TRPM3: variants seen among roughly 807,000 people sequenced by gnomAD.
TRPM3 encodes the protein long transient receptor potential channel 3.
In TRPM3, 77 loss-of-function variants were observed where a neutral mutation model predicts 181.2. That is an observed-to-expected ratio of 0.42 (90% CI 0.35 to 0.51). The LOEUF is 0.51. Ranked by LOEUF, TRPM3 falls within the 20% of genes least tolerant of loss-of-function variation. The pLI is 0.01. For synonymous variants in TRPM3, 745 were observed against 796.4 expected (o/e 0.94, Z 1.09); for missense variants, 1,759 against 2,196.7 (o/e 0.80, Z 3.98).
At chr9:70,753,033 G>A (rs1016989776) in intron 8 of TRPM3, among the ~76,000 whole-genome samples, 1 of 152,058 alleles carries the variant, frequency 6.6e-6, no homozygotes, top group Admixed American at 6.5e-5. Context: ...CTTGAACTTG[G>A]GAGGTGGAGG....
chr9:70,665,084 C>T (rs11142536), intron 9 of TRPM3, among the ~76,000 whole-genome samples: 33,066 of 152,042 alleles, frequency 0.22, 4,270 homozygotes, highest in Non-Finnish European at 0.29. Flanking sequence ...TGGCTGACAG[C>T]GCCTCAGAAA....
chr9:71,034,935 C>T (rs371854011), intron 1 of TRPM3, among the ~76,000 whole-genome samples: 5 of 151,950 alleles, frequency 3.3e-5, no homozygotes, highest in South Asian at 2.1e-4. Context: ...CTACCTCACA[C>T]GTGCATTTAA....
chr9:71,121,255 C>T lies in TRPM3; in HGVS notation c.100G>A (p.Asp34Asn). 1 of 1,614,140 alleles carries T rather than the reference C, an allele frequency of 6.2e-7. No individual in the cohort carries two copies. The highest frequency in any genetic ancestry group is 1.3e-5 in the African/African-American group (1 of 75,034). ...GTCCAGTTTAGGGGTCGAGGAGCAT[C>T]AGCCTGATTCATGACCCCTTCCAAA... Reference protein sequence around the residue: ...WNLEGVMNQADAPRPLNWTIR... With the variant: ...WNLEGVMNQANAPRPLNWTIR... Residue 34 changes from aspartate (D) to asparagine (N), a missense_variant, in exon 1 of 26, where the codon GAT (aspartate) becomes AAT (asparagine). Physicochemically the swap from Asp to Asn is conservative, Grantham distance 23. Coordinates refer to ENST00000677713, the MANE Select transcript of TRPM3 (RefSeq NM_001366145.2).
At chr9:71,183,583 C>T (rs1362802705) in intron 1 of TRPM3, among the ~76,000 whole-genome samples, 1 of 152,056 alleles carries the variant, frequency 6.6e-6, no homozygotes, top group African/African-American at 2.4e-5. Flanking sequence ...CCAAGCTTTA[C>T]TTATTAATTT....
At chr9:70,830,894 C>T (rs987699175) in intron 5 of TRPM3, among the ~76,000 whole-genome samples, 1 of 152,042 alleles carries the variant, frequency 6.6e-6, no homozygotes, top group Non-Finnish European at 1.5e-5. Context: ...TCTATTTTAC[C>T]AACTATAAGC....
intron 1 of TRPM3, among the ~76,000 whole-genome samples, chr9:70,890,869 G>T (rs1450834850): frequency 1.3e-5 from 2 of 152,070 alleles, no homozygotes; most frequent in Non-Finnish European, 2.9e-5. Flanking sequence ...CAAAGTGCCA[G>T]ATGATAAGAC....
At chr9:71,326,556 A>G (rs1048226258) in intron 1 of TRPM3, among the ~76,000 whole-genome samples, 1 of 152,262 alleles carries the variant, frequency 6.6e-6, no homozygotes, top group Non-Finnish European at 1.5e-5. Context: ...TCATGAACTC[A>G]TAAAATGCAA....
At position 71,338,128 on chromosome 9, in the gene TRPM3, G is replaced by A. The variant is rs186920118; in HGVS notation, c.183+108525C>T. On this transcript the variant is annotated intron_variant, in intron 1 of 24. Coordinates refer to the TRPM3 transcript ENST00000357533. ...AGAGCTTACCACAAACTTTGGCAGC[G>A]CTGCTCACTAAGTCAAAAGGCTTGG... Among the ~76,000 whole-genome samples, 88 of 151,652 alleles carry A rather than the reference G, an allele frequency of 5.8e-4. No homozygotes were observed. The East Asian group carries it at 7.2e-3, about 12-fold the overall frequency.
intron 1 of TRPM3, among the ~76,000 whole-genome samples, chr9:71,117,396 A>T (rs1158891531): frequency 6.6e-6 from 1 of 152,166 alleles, no homozygotes; most frequent in Non-Finnish European, 1.5e-5. Flanking sequence ...TTTTGCCATT[A>T]AAAACCTTTT....
chr9:71,351,612 T>C (rs983503041), intron 1 of TRPM3, among the ~76,000 whole-genome samples: 3 of 152,210 alleles, frequency 2.0e-5, no homozygotes, highest in African/African-American at 7.2e-5. Context: ...GTAGTAGTAA[T>C]ATATACATAG....
At chr9:71,364,539 G>T (rs1302264233) in intron 1 of TRPM3, among the ~76,000 whole-genome samples, 1 of 152,126 alleles carries the variant, frequency 6.6e-6, no homozygotes, top group Non-Finnish European at 1.5e-5. Context: ...GAACCCAACT[G>T]GTTATTCCAA....
rs79213284 is a variant in TRPM3 at position 70,692,175 on chromosome 9, A to T, written c.1273-10597T>A. ...TTATTCTCCATTAACATTATCACCAAGCACTTTTCTGTATTCTTGGGAATT... is the reference window on the plus strand; with the variant it reads ...TTATTCTCCATTAACATTATCACCATGCACTTTTCTGTATTCTTGGGAATT... On this transcript the variant is annotated intron_variant, in intron 8 of 25. Coordinates refer to ENST00000677713, the MANE Select transcript of TRPM3 (RefSeq NM_001366145.2). Among the ~76,000 whole-genome samples the T allele has an allele frequency of 9.1e-3, 1,392 of 152,316 alleles. 25 individuals are homozygous for T. The highest frequency in any genetic ancestry group is 0.032 in the African/African-American group (1,323 of 41,558).
At chr9:71,241,937 TAATTA>T (rs2081722145) in intron 1 of TRPM3, among the ~76,000 whole-genome samples, 1 of 152,242 alleles carries the variant, frequency 6.6e-6, no homozygotes, top group Non-Finnish European at 1.5e-5. Context: ...GACATTCATT[TAATTA>T]GATATCCAGC....
chr9:70,686,986 A>G (rs2067132331), intron 8 of TRPM3, among the ~76,000 whole-genome samples: 1 of 151,400 alleles, frequency 6.6e-6, no homozygotes. Flanking sequence ...ATGCCCGGCT[A>G]ATTTTTGTAT....
In TRPM3 at chr9:70,537,060, G is replaced by C. The variant is rs778979015; in HGVS notation, c.4053C>G (p.Phe1351Leu). ...CTTTGTCTTTCATATTGACCGAATA[G>C]AAAGAATGGCTTCGCATACGGGGCA... The part of the protein sequence containing the change: ...TLMPRMRSHS[F>L]YSVNMKDKGG... The change falls in exon 26 of 26, where the codon TTC becomes TTG. Residue 1351 changes from phenylalanine (F) to leucine (L), a missense_variant. Coordinates refer to ENST00000677713, the MANE Select transcript of TRPM3 (RefSeq NM_001366145.2). 5 of 1,612,414 alleles carry C rather than the reference G, an allele frequency of 3.1e-6. No homozygotes were observed. The highest frequency in any genetic ancestry group is 4.2e-6 in the Non-Finnish European group (5 of 1,178,500).
Position 70,777,159 on chromosome 9 carries a change from G to A in TRPM3, c.1148+6946C>T, listed in dbSNP as rs72727786. 1.7e-4 allele frequency among the ~76,000 whole-genome samples: 26 copies of A among 152,250 alleles called. No homozygotes were observed. In the South Asian group the frequency reaches 5.2e-3, roughly 30 times the overall value. The stretch of plus-strand genomic sequence containing the variant: ...GATGCACTTTCTGAAAGTTGTAGAT[G>A]ATGGTTCTTTAGAAGGGATTTCTCT... On this transcript the variant is annotated intron_variant, in intron 7 of 25. Transcript: ENST00000677713.
intron 1 of TRPM3, among the ~76,000 whole-genome samples, chr9:70,983,716 C>T (rs1298564648): frequency 2.6e-5 from 4 of 152,126 alleles, no homozygotes; most frequent in Non-Finnish European, 5.9e-5. Context: ...GAAGTGGACA[C>T]CCTGTGTTAT....
chr9:70,960,528 C>G (rs1038368210), intron 1 of TRPM3, among the ~76,000 whole-genome samples: 1 of 152,100 alleles, frequency 6.6e-6, no homozygotes, highest in Non-Finnish European at 1.5e-5. Context: ...TATTTTGAAG[C>G]ATGATGATAA....
intron 1 of TRPM3, among the ~76,000 whole-genome samples, chr9:71,407,897 A>G (rs1193488049): frequency 6.6e-6 from 1 of 152,054 alleles, no homozygotes; most frequent in Non-Finnish European, 1.5e-5. Flanking sequence ...TCAGGCAGCA[A>G]CATTTGCTGT....
Sources: allele counts gnomAD v4.1 joint callset (sites outside exome capture counted in the v4.1 genomes callset), GRCh38; gene constraint gnomAD v4.1.1; transcripts MANE v1.5; gene names NCBI Gene and HGNC (gene_info 2026-07-23, HGNC 2026-07-21).